Variants in NDFIP2 observed in about 807,000 individuals in gnomAD.
NDFIP2 encodes NEDD4 family-interacting protein 2.
NDFIP2 carries 19 observed loss-of-function variants against 36.0 expected under a neutral mutation model. The ratio of observed to expected loss-of-function variants is 0.53; its 90% confidence interval spans 0.37 to 0.77. NDFIP2 has a LOEUF of 0.77. Among genes scored for constraint, NDFIP2 ranks in the 30% least tolerant of loss-of-function variants. The pLI is 0.00. For missense variants in NDFIP2, 446 were observed against 435.8 expected (o/e 1.02, Z -0.21); for synonymous variants, 181 against 167.7 (o/e 1.08, Z -0.61).
intron 2 of NDFIP2, among the ~76,000 whole-genome samples, chr13:79,530,230 G>A (rs1009771228): frequency 6.6e-6 from 1 of 151,920 alleles, no homozygotes; most frequent in African/African-American, 2.4e-5. Context: ...CTCAAGCAAC[G>A]CTCCTGCCTC....
chr13:79,492,252 C>CT (rs780442571), intron 1 of NDFIP2, among the ~76,000 whole-genome samples: 1,628 of 133,910 alleles, frequency 0.012, 16 homozygotes, highest in Middle Eastern at 0.032. Context: ...GTAGTGACAC[C>CT]TTTTTTTTTT....
chr13:79,485,879 T>C (rs1333522865), intron 1 of NDFIP2, among the ~76,000 whole-genome samples: 1 of 152,156 alleles, frequency 6.6e-6, no homozygotes, highest in Non-Finnish European at 1.5e-5. Context: ...CATGGAATAT[T>C]GTCTGTTACT....
chr13:79,497,797 T>G (rs558988278), intron 1 of NDFIP2, among the ~76,000 whole-genome samples: 4,079 of 118,302 alleles, frequency 0.034, 65 homozygotes, highest in Admixed American at 0.057. Context: ...CTGTGGGGGG[T>G]GTGTGTGTGT....
At position 79,525,307 on chromosome 13, in the gene NDFIP2, C is replaced by A. The variant is rs1185514077; in HGVS notation, c.487+4332C>A. Among the ~76,000 whole-genome samples, 3 of 152,200 alleles carry A rather than the reference C, an allele frequency of 2.0e-5. No individual in the cohort carries two copies. In the East Asian group the frequency reaches 5.8e-4, roughly 29 times the overall value. On this transcript the variant is annotated intron_variant, in intron 2 of 7. Coordinates refer to ENST00000218652, the MANE Select transcript of NDFIP2 (RefSeq NM_019080.3). ...CTAAGCACTTATCACACACTGTGGC[C>A]AAAACTTTTGCAGTTTGAGATGTGA...
chr13:79,551,751 G>A (rs1875918010), intron 7 of NDFIP2, among the ~76,000 whole-genome samples: 1 of 151,474 alleles, frequency 6.6e-6, no homozygotes, highest in African/African-American at 2.4e-5. Context: ...AATTTCTGGA[G>A]GTCGTGGGTA....
At chr13:79,504,310 A>G (rs1302371659) in intron 1 of NDFIP2, among the ~76,000 whole-genome samples, 1 of 152,152 alleles carries the variant, frequency 6.6e-6, no homozygotes, top group Non-Finnish European at 1.5e-5. Context: ...ATATTTTATC[A>G]CATTTGTTTT....
chr13:79,540,305 G>T (rs181234634), intron 4 of NDFIP2, among the ~76,000 whole-genome samples: 5 of 152,230 alleles, frequency 3.3e-5, no homozygotes, highest in Non-Finnish European at 1.5e-5. Flanking sequence ...TTAACATCTT[G>T]CAGAATTCTT....
chr13:79,522,339 A>T (rs1874618975), intron 2 of NDFIP2, among the ~76,000 whole-genome samples: 1 of 152,178 alleles, frequency 6.6e-6, no homozygotes, highest in Non-Finnish European at 1.5e-5. Context: ...TTGCTACCTT[A>T]GATTAAAAAA....
chr13:79,543,956 T>G (rs1875558486), intron 5 of NDFIP2, among the ~76,000 whole-genome samples: 1 of 152,196 alleles, frequency 6.6e-6, no homozygotes, highest in Non-Finnish European at 1.5e-5. Flanking sequence ...CTTTATTTAA[T>G]TGTTCTGAGC....
intron 2 of NDFIP2, among the ~76,000 whole-genome samples, chr13:79,525,094 A>T (rs990316515): frequency 1.3e-5 from 2 of 152,144 alleles, no homozygotes; most frequent in African/African-American, 4.8e-5. Context: ...TTTAGTCCAA[A>T]CCTAATCCTC....
chr13:79,540,923 A>G (rs1875429082), intron 4 of NDFIP2, among the ~76,000 whole-genome samples: 1 of 152,202 alleles, frequency 6.6e-6, no homozygotes, highest in South Asian at 2.1e-4. Context: ...AATGTTAGGT[A>G]TAATAAAAAG....
chr13:79,520,729 G>A (rs2137085879), intron 1 of NDFIP2, 81 bp from the exon 2 acceptor site: 1 of 1,339,074 alleles, frequency 7.5e-7, no homozygotes, highest in Non-Finnish European at 1.0e-6. Context: ...GCGATACTGT[G>A]TCTGAAATGA....
chr13:79,519,651 G>A (rs1353152707), intron 1 of NDFIP2, among the ~76,000 whole-genome samples: 2 of 152,186 alleles, frequency 1.3e-5, no homozygotes, highest in African/African-American at 4.8e-5. Flanking sequence ...CTCCTAGGTT[G>A]TTGTGGAGAT....
At chr13:79,504,649 C>A (rs1202676811) in intron 1 of NDFIP2, among the ~76,000 whole-genome samples, 1 of 144,722 alleles carries the variant, frequency 6.9e-6, no homozygotes, top group Non-Finnish European at 1.5e-5. Context: ...TTTTTTTTGT[C>A]TTTCATTACA....
chr13:79,540,622 T>G (rs896423535), intron 4 of NDFIP2, among the ~76,000 whole-genome samples: 1 of 152,170 alleles, frequency 6.6e-6, no homozygotes, highest in Non-Finnish European at 1.5e-5. Flanking sequence ...AACCGAGAAA[T>G]AATTTACTTA....
intron 1 of NDFIP2, among the ~76,000 whole-genome samples, chr13:79,483,053 T>C (rs1594836544): frequency 6.6e-6 from 1 of 152,206 alleles, no homozygotes; most frequent in Non-Finnish European, 1.5e-5. Context: ...TTTTAAGATA[T>C]TTGTTTTCCC....
Position 79,481,492 on chromosome 13 carries a change from C to T in NDFIP2, c.289C>T (p.His97Tyr). The change falls in exon 1 of 8, where the codon CAC becomes TAC. Residue 97 changes from histidine to tyrosine, a missense_variant. His to Tyr is a moderately conservative substitution (Grantham distance 83). Coordinates refer to ENST00000218652, the MANE Select transcript of NDFIP2 (RefSeq NM_019080.3). ...GGATCCCGAGCCGGGCAGGATGGAT[C>T]ACCACCAGCCGGGGACTGGGCGCTA... ...KPDPEPGRMD[H>Y]HQPGTGRYQV... 6.4e-7 allele frequency: 1 copy of T among 1,558,208 alleles called. No homozygotes were observed. Among genetic ancestry groups the T allele is most frequent in the Non-Finnish European group, 8.7e-7 (1 of 1,150,720 alleles).
In NDFIP2 at chr13:79,511,104, A is replaced by G. The variant is rs147117393; in HGVS notation, c.322-9706A>G. Among the ~76,000 whole-genome samples the G allele has an allele frequency of 8.1e-4, 124 of 152,162 alleles. 1 individual carries two copies. The highest frequency in any genetic ancestry group is 3.7e-3 in the South Asian group (18 of 4,806). On this transcript the variant is annotated intron_variant, in intron 1 of 7. Transcript: ENST00000218652. ...GTTTGTTTTAGACTTTAAAGGTGTC[A>G]GACTCTCAGTTAAACTTTCCTGGAT...
intron 2 of NDFIP2, among the ~76,000 whole-genome samples, chr13:79,521,356 T>C (rs1874575039): frequency 6.6e-6 from 1 of 152,176 alleles, no homozygotes; most frequent in African/African-American, 2.4e-5. Context: ...AATCTATTTT[T>C]CTGGCTACAA....
Sources: gnomAD v4.1 joint callset for allele counts (sites outside exome capture counted in the v4.1 genomes callset) on GRCh38, gnomAD v4.1.1 for gene constraint, MANE v1.5 for transcripts, NCBI Gene and HGNC (gene_info 2026-07-23, HGNC 2026-07-21) for gene names.